The following CMTR1 variants were observed in gnomAD, a reference collection of about 807,000 sequenced individuals.
The protein encoded by CMTR1 is cap methyltransferase 1, also known as cap-specific mRNA (nucleoside-2'-O-)-methyltransferase 1.
A neutral mutation model predicts 107.0 loss-of-function variants in CMTR1; 39 were observed. That is an observed-to-expected ratio of 0.36 (90% CI 0.28 to 0.48). The LOEUF (loss-of-function observed/expected upper bound fraction) is 0.48. Ranked by LOEUF, CMTR1 falls within the 20% of genes least tolerant of loss-of-function variation. CMTR1 has a pLI of 0.99. For missense variants in CMTR1, 672 were observed against 1,064.9 expected (o/e 0.63, Z 5.14); for synonymous variants, 366 against 379.5 (o/e 0.96, Z 0.41).
At chr6:37,476,618 G>A (rs1030973054) in intron 20 of CMTR1, among the ~76,000 whole-genome samples, 22 of 76,098 alleles carry the variant, frequency 2.9e-4, no homozygotes, top group African/African-American at 1.6e-3. Flanking sequence ...TGCTGAGGGA[G>A]AAGGAGGCCA....
chr6:37,479,066 G>C, intron 22 of CMTR1, 81 bp from the exon 23 acceptor site: 1 of 942,804 alleles, frequency 1.1e-6, no homozygotes, highest in Non-Finnish European at 1.7e-6. Flanking sequence ...TAGGACCACC[G>C]GGAGTGGAGG....
chr6:37,479,316 C>A, intron 23 of CMTR1, 61 bp downstream of exon 23: 1 of 1,205,384 alleles, frequency 8.3e-7, no homozygotes, highest in Non-Finnish European at 1.2e-6. Flanking sequence ...TGCAGGATGC[C>A]AGCCAGCTGT....
chr6:37,451,367 T>G (rs1761168729), intron 5 of CMTR1, among the ~76,000 whole-genome samples: 2 of 152,206 alleles, frequency 1.3e-5, no homozygotes, highest in African/African-American at 2.4e-5. Context: ...TTAGCGTCCC[T>G]GTTTTCTGAA....
chr6:37,463,346 C>T (rs1482717262), intron 13 of CMTR1, among the ~76,000 whole-genome samples: 2 of 152,144 alleles, frequency 1.3e-5, no homozygotes, highest in Non-Finnish European at 2.9e-5. Flanking sequence ...TTGTAAAAGG[C>T]CATCATGCTT....
chr6:37,431,322 A>G (rs1045342299), upstream of CMTR1, among the ~76,000 whole-genome samples: 7 of 152,216 alleles, frequency 4.6e-5, no homozygotes, highest in Non-Finnish European at 1.0e-4. Context: ...TTCATGTCAT[A>G]ATGCATGCTA....
intron 14 of CMTR1, 47 bp downstream of exon 14, chr6:37,471,124 C>T: frequency 6.7e-7 from 1 of 1,503,002 alleles, no homozygotes; most frequent in Non-Finnish European, 9.0e-7. Flanking sequence ...AAGGGAAGAT[C>T]TTGCTTTTCC....
chr6:37,447,249 C>T (rs1562118603), intron 4 of CMTR1, among the ~76,000 whole-genome samples: 1 of 152,108 alleles, frequency 6.6e-6, no homozygotes, highest in Non-Finnish European at 1.5e-5. Context: ...TATTTGTCTC[C>T]CTAATGTTCC....
At chr6:37,434,537 T>A (rs1581723844) in intron 1 of CMTR1, among the ~76,000 whole-genome samples, 1 of 152,212 alleles carries the variant, frequency 6.6e-6, no homozygotes, top group African/African-American at 2.4e-5. Flanking sequence ...CATAATCACT[T>A]CATTCCATCT....
rs187806597 is a variant in CMTR1, at chr6:37,470,994, A to T, written c.1506-27A>T. 143 of 1,580,678 alleles carry T rather than the reference A, an allele frequency of 9.0e-5. 2 individuals are homozygous for T. The Admixed American group carries it at 2.6e-3, about 29-fold the overall frequency. On this transcript the variant is annotated intron_variant, in intron 13 of 23. Transcript: ENST00000373451. ...TTACCTGTCTTTTTTGGTAATCCTG[A>T]GATCAAATAATTTTTTTTTCTTCTA...
chr6:37,450,220 T>A, intron 4 of CMTR1, 31 bp from the exon 5 acceptor site: 1 of 1,580,982 alleles, frequency 6.3e-7, no homozygotes, highest in Middle Eastern at 1.7e-4. Context: ...GTGTGTCATA[T>A]CTGTCTTACT....
intron 2 of CMTR1, among the ~76,000 whole-genome samples, chr6:37,437,498 C>T (rs984250470): frequency 4.0e-5 from 5 of 125,048 alleles, no homozygotes; most frequent in South Asian, 2.4e-4. Context: ...CTGCACTACA[C>T]GGAGCAAGAG....
intron 2 of CMTR1, among the ~76,000 whole-genome samples, chr6:37,439,247 A>G (rs1434333237): frequency 1.3e-5 from 2 of 152,252 alleles, no homozygotes; most frequent in East Asian, 3.8e-4. Flanking sequence ...GGTATTTTCA[A>G]GTGTAAATAC....
chr6:37,447,686 C>T (rs1162327961), intron 4 of CMTR1, among the ~76,000 whole-genome samples: 1 of 150,848 alleles, frequency 6.6e-6, no homozygotes, highest in African/African-American at 2.4e-5. Context: ...CATGACGAAA[C>T]CCCATCTCTG....
At chr6:37,479,758 C>T (rs934289211) in intron 23 of CMTR1, among the ~76,000 whole-genome samples, 6 of 152,210 alleles carry the variant, frequency 3.9e-5, no homozygotes, top group African/African-American at 1.4e-4. Flanking sequence ...ATTAGAGAAG[C>T]ACAGACAGAT....
chr6:37,431,090 T>C (rs1362601818), upstream of CMTR1, among the ~76,000 whole-genome samples: 2 of 151,958 alleles, frequency 1.3e-5, no homozygotes, highest in African/African-American at 2.4e-5. Context: ...GCACTATTCA[T>C]TGGGTATACT....
intron 3 of CMTR1, among the ~76,000 whole-genome samples, 184 bp downstream of exon 3, chr6:37,444,334 T>C (rs1378432557): frequency 6.6e-6 from 1 of 152,268 alleles, no homozygotes; most frequent in African/African-American, 2.4e-5. Flanking sequence ...GTATCATCTA[T>C]AGGCAGCAAC....
chr6:37,424,576 TA>T, the CMTR1 span, among the ~76,000 whole-genome samples: 1 of 152,082 alleles, frequency 6.6e-6, no homozygotes, highest in African/African-American at 2.4e-5. Context: ...CCTGTATCAC[TA>T]ATATTTTAAA....
rs142464184 is a variant in CMTR1 at position 37,480,138 on chromosome 6, G to A, written c.2501G>A (p.Arg834Lys). 2 of 1,597,526 alleles carry A rather than the reference G, an allele frequency of 1.3e-6. No homozygotes were observed. The highest frequency in any genetic ancestry group is 1.7e-6 in the Non-Finnish European group (2 of 1,172,542). Residue 834 changes from arginine to lysine, a missense_variant, in exon 24 of 24, where the codon AGG (arginine) becomes AAG (lysine). By Grantham distance (26) the Arg-to-Lys change is conservative. Around this residue, in one of 2 missense-constraint regions of CMTR1, gnomAD observed 583 missense variants for 968.4 expected, o/e 0.60. Transcript: ENST00000373451. ...GTCCTCTCCTTCATCCAGATGCACA[G>A]GGCCTAAGAGCCTCAGAATGTGCCA... ...EDVLSFIQMHRA is the reference protein window; with the variant it reads ...EDVLSFIQMHKA
chr6:37,435,677 GA>G lies in CMTR1; in HGVS notation c.55del (p.Arg19GlufsTer7). The part of the protein sequence containing the change: ...PECTAPIKKQ[K>X]KRVAELALSL... ...AATGCACTGCCCCCATCAAGAAACA[GA>G]AAAAAAGAGTTGCAGAGCTTGCCCT... On this transcript the variant is annotated frameshift_variant, in exon 2 of 24. Transcript: ENST00000373451. LOFTEE classifies it high-confidence loss of function. The G allele has an allele frequency of 1.2e-6, 2 of 1,600,274 alleles. No homozygotes were observed. The highest frequency in any genetic ancestry group is 3.5e-5 in the Admixed American group (2 of 57,046).
Sources: gnomAD v4.1 joint callset for allele counts (sites outside exome capture counted in the v4.1 genomes callset) on GRCh38, gnomAD v4.1.1 for gene constraint, gnomAD v4.1.1 regional missense constraint, MANE v1.5 for transcripts, NCBI Gene and HGNC (gene_info 2026-07-23, HGNC 2026-07-21) for gene names.